Variants in PRPF6 observed in about 807,000 individuals in gnomAD.
The protein encoded by PRPF6 is pre-mRNA-processing factor 6.
A neutral mutation model predicts 118.3 loss-of-function variants in PRPF6; 42 were observed. The ratio of observed to expected loss-of-function variants is 0.35; its 90% CI spans 0.28 to 0.46. PRPF6 has a LOEUF of 0.46. Ranked by LOEUF, PRPF6 falls within the 20% of genes least tolerant of loss-of-function variation. The pLI, the probability that PRPF6 is intolerant of heterozygous loss-of-function variation, is 1.00. For missense variants in PRPF6, 662 were observed against 1,255.7 expected (o/e 0.53, Z 7.15); for synonymous variants, 481 against 485.1 (o/e 0.99, Z 0.11).
intron 2 of PRPF6, 85 bp downstream of exon 2, chr20:63,983,300 A>G: frequency 6.5e-7 from 1 of 1,547,704 alleles, no homozygotes; most frequent in East Asian, 2.2e-5. Flanking sequence ...GTCTGTAATG[A>G]ATGGCTTGGA....
intron 19 of PRPF6, among the ~76,000 whole-genome samples, chr20:64,030,655 TA>T (rs1306439525): frequency 6.6e-6 from 1 of 152,230 alleles, no homozygotes. Context: ...AGTGCAGCCA[TA>T]AAACCTTATA....
intron 12 of PRPF6, among the ~76,000 whole-genome samples, chr20:64,021,186 G>A (rs1438313416): frequency 6.6e-6 from 1 of 152,202 alleles, no homozygotes. Flanking sequence ...ACAGCCCTCT[G>A]TGTGTGTGTG....
At chr20:63,998,568 G>A (rs1285927928) in intron 6 of PRPF6, among the ~76,000 whole-genome samples, 11 of 150,428 alleles carry the variant, frequency 7.3e-5, no homozygotes, top group African/African-American at 2.0e-4. Context: ...TTGGACAGAC[G>A]CGGTGGCTCA....
intron 3 of PRPF6, among the ~76,000 whole-genome samples, chr20:63,987,713 C>G (rs931784806): frequency 1.3e-5 from 2 of 152,196 alleles, no homozygotes; most frequent in African/African-American, 4.8e-5. Flanking sequence ...ACCCTAAAGA[C>G]TCTACCAAAA....
At position 64,001,194 on chromosome 20, in the gene PRPF6, G is replaced by A; in HGVS notation, c.1141G>A (p.Glu381Lys). 3 of 1,614,246 alleles carry A rather than the reference G, an allele frequency of 1.9e-6. No individual in the cohort carries two copies. Among genetic ancestry groups the A allele is most frequent in the Non-Finnish European group, 2.5e-6 (3 of 1,180,048 alleles). The change falls in exon 9 of 21, where the codon GAG becomes AAG. Residue 381 changes from glutamate (E) to lysine (K), a missense_variant. By Grantham distance (56) the Glu-to-Lys change is moderately conservative. Around this residue, in one of 10 missense-constraint regions of PRPF6, gnomAD observed 189 missense variants for 323.5 expected, o/e 0.58. Coordinates refer to ENST00000266079, the MANE Select transcript of PRPF6 (RefSeq NM_012469.4). Reference protein sequence around the residue: ...QSVRIYIRAAELETDIRAKKR... With the variant: ...QSVRIYIRAAKLETDIRAKKR... ...TGTCAGGATTTACATCAGAGCCGCAGAGCTGGAAACGGACATTCGTGCAAA... is the reference window on the plus strand; with the variant it reads ...TGTCAGGATTTACATCAGAGCCGCAAAGCTGGAAACGGACATTCGTGCAAA...
chr20:64,008,398 A>C (rs777185721), intron 9 of PRPF6, among the ~76,000 whole-genome samples: 10 of 150,978 alleles, frequency 6.6e-5, no homozygotes, highest in Non-Finnish European at 1.3e-4. Flanking sequence ...AGATTTGGAG[A>C]CTCATAAGAG....
At chr20:64,002,146 G>C (rs528389265) in intron 9 of PRPF6, among the ~76,000 whole-genome samples, 10 of 149,094 alleles carry the variant, frequency 6.7e-5, no homozygotes, top group Non-Finnish European at 1.5e-4. Flanking sequence ...AGCCTCCTGA[G>C]TAGCTGGGAC....
chr20:64,007,029 C>T (rs998970039), intron 9 of PRPF6, among the ~76,000 whole-genome samples: 2 of 152,238 alleles, frequency 1.3e-5, no homozygotes, highest in Admixed American at 6.5e-5. Context: ...CCCTAAGGGA[C>T]TCCCCAGAGG....
chr20:63,995,117 G>A (rs1482371399), intron 5 of PRPF6, 25 bp downstream of exon 5: 2 of 1,613,980 alleles, frequency 1.2e-6, no homozygotes, highest in Non-Finnish European at 8.5e-7. Context: ...AAGGGCACAT[G>A]TGGCCCATTT....
chr20:63,998,105 T>G (rs953296959), intron 6 of PRPF6, among the ~76,000 whole-genome samples: 1 of 151,880 alleles, frequency 6.6e-6, no homozygotes, highest in African/African-American at 2.4e-5. Context: ...TTTTATTTAT[T>G]TTTTTTTGAG....
chr20:64,021,607 A>G (rs816928), intron 12 of PRPF6, among the ~76,000 whole-genome samples: 34,036 of 110,874 alleles, frequency 0.31, 5,146 homozygotes, highest in African/African-American at 0.48. Flanking sequence ...CCACAGCCCC[A>G]TGTCTGTGTG....
intron 3 of PRPF6, among the ~76,000 whole-genome samples, chr20:63,992,126 A>G (rs912614121): frequency 1.3e-5 from 2 of 152,100 alleles, no homozygotes; most frequent in African/African-American, 2.4e-5. Context: ...TTTTGCGACA[A>G]GGTCTCGCTC....
intron 8 of PRPF6, 148 bp from the exon 9 acceptor site, chr20:64,000,929 A>G (rs983211445): frequency 1.3e-6 from 1 of 769,544 alleles, no homozygotes; most frequent in Non-Finnish European, 2.2e-6. Context: ...TAAGGGGGCG[A>G]CTCCTGGTGC....
At chr20:64,002,544 C>T (rs559304537) in intron 9 of PRPF6, among the ~76,000 whole-genome samples, 15 of 151,030 alleles carry the variant, frequency 9.9e-5, no homozygotes, top group African/African-American at 3.4e-4. Context: ...CCATGTTGGC[C>T]GGGCTGGTCT....
chr20:64,003,559 G>A (rs1051354533), intron 9 of PRPF6, among the ~76,000 whole-genome samples: 6 of 152,244 alleles, frequency 3.9e-5, no homozygotes, highest in African/African-American at 1.2e-4. Flanking sequence ...TTTCTTGACC[G>A]CAGCCCAGCT....
At position 63,992,410 on chromosome 20, in the gene PRPF6, C is replaced by T. The variant is rs781015805; in HGVS notation, c.360-997C>T. ...CTGAGTAGCTGGGATAACAGGCATG[C>T]GCCACCACGCCTGGCTAATTTTCAT... is the stretch of plus-strand genomic sequence containing the variant. On this transcript the variant is annotated intron_variant, in intron 3 of 20. Coordinates refer to ENST00000266079, the MANE Select transcript of PRPF6 (RefSeq NM_012469.4). Among the ~76,000 whole-genome samples the T allele has an allele frequency of 4.6e-5, 7 of 152,112 alleles. No homozygotes were observed. In the East Asian group the frequency reaches 5.8e-4, roughly 13 times the overall value.
chr20:64,028,626 C>T lies in PRPF6; in HGVS notation c.2431+57C>T. ...TGCCCTGACTCCGGTAAGGGGGTGC[C>T]TTGACTCCGGTAAGGGGGTGCTTCC... is the stretch of plus-strand genomic sequence containing the variant. On this transcript the variant is annotated intron_variant, in intron 18 of 20. Transcript: ENST00000266079. The surrounding 1 kb of genome is among the most constrained non-coding windows in gnomAD (Gnocchi z 6.5). 6.3e-7 allele frequency: 1 copy of T among 1,586,852 alleles called. No homozygotes were observed. The highest frequency in any genetic ancestry group is 2.2e-5 in the East Asian group (1 of 44,588).
At chr20:64,022,732 A>T in intron 12 of PRPF6, 25 bp from the exon 13 acceptor site, 1 of 1,613,908 alleles carries the variant, frequency 6.2e-7, no homozygotes, top group Non-Finnish European at 8.5e-7. Context: ...TGGGCTGCCC[A>T]TTCTCATGTC....
At position 63,989,964 on chromosome 20, in the gene PRPF6, C is replaced by T. The variant is rs555962440; in HGVS notation, c.360-3443C>T. On this transcript the variant is annotated intron_variant, in intron 3 of 20. Transcript: ENST00000266079. Reference sequence around the variant, plus strand: ...AGTCTCCCAGGCTCAAGTGATTCTTCTGCCTCAGCCTCCCAAGTAGCCGGG... The same window carrying T: ...AGTCTCCCAGGCTCAAGTGATTCTTTTGCCTCAGCCTCCCAAGTAGCCGGG... Among the ~76,000 whole-genome samples the T allele has an allele frequency of 5.9e-5, 9 of 152,186 alleles. No homozygotes were observed. In the East Asian group the frequency reaches 1.5e-3, roughly 26 times the overall value.
Sources: allele counts gnomAD v4.1 joint callset (sites outside exome capture counted in the v4.1 genomes callset), GRCh38; gene constraint gnomAD v4.1.1; regional missense constraint gnomAD v4.1.1; non-coding constraint Gnocchi (gnomAD v3.1); transcripts MANE v1.5; gene names NCBI Gene and HGNC (gene_info 2026-07-23, HGNC 2026-07-21).